Variants in ANK3 observed in about 807,000 individuals in gnomAD.
ANK3 encodes ankyrin 3, also known as ankyrin-3.
In ANK3, 57 loss-of-function variants were observed where a neutral mutation model predicts 370.9. The observed-to-expected ratio is 0.15, with a 90% CI of 0.12 to 0.19. The LOEUF is 0.19. ANK3 is among the 10% of genes least tolerant of loss of function. The pLI is 1.00. For synonymous variants in ANK3, 1,929 were observed against 1,946.3 expected (o/e 0.99, Z 0.23); for missense variants, 4,439 against 5,302.1 (o/e 0.84, Z 5.06).
At chr10:60,396,621 T>A (rs1353483363) in intron 2 of ANK3, among the ~76,000 whole-genome samples, 1 of 152,166 alleles carries the variant, frequency 6.6e-6, no homozygotes, top group Non-Finnish European at 1.5e-5. Context: ...CTTGTGGAAA[T>A]AAGTCTTGTT....
chr10:60,552,130 G>T (rs1014116013), intron 2 of ANK3, among the ~76,000 whole-genome samples: 1 of 152,106 alleles, frequency 6.6e-6, no homozygotes, highest in African/African-American at 2.4e-5. Flanking sequence ...ACAATACCAA[G>T]GATAAGACTT....
intron 2 of ANK3, among the ~76,000 whole-genome samples, chr10:60,581,647 C>A (rs1230099672): frequency 6.6e-6 from 1 of 151,386 alleles, no homozygotes; most frequent in Non-Finnish European, 1.5e-5. Context: ...ATCATCTTGG[C>A]CATGCTGGTC....
intron 2 of ANK3, among the ~76,000 whole-genome samples, chr10:60,537,463 G>A (rs775133207): frequency 2.0e-4 from 31 of 151,856 alleles, no homozygotes; most frequent in African/African-American, 4.8e-4. Context: ...CACATCATAC[G>A]CACAGAAAAC....
At chr10:60,660,979 T>A (rs926146394) in intron 1 of ANK3, among the ~76,000 whole-genome samples, 2 of 151,606 alleles carry the variant, frequency 1.3e-5, no homozygotes. Context: ...ACCAATCAAC[T>A]TGGAAACTAT....
chr10:60,220,169 A>T (rs921734566), intron 8 of ANK3, among the ~76,000 whole-genome samples: 12 of 152,210 alleles, frequency 7.9e-5, no homozygotes, highest in African/African-American at 2.7e-4. Flanking sequence ...TACACAAAAA[A>T]CATTTCATAC....
intron 1 of ANK3, chr10:60,300,342 C>T (rs1298480258): frequency 1.6e-6 from 2 of 1,289,320 alleles, no homozygotes; most frequent in Non-Finnish European, 2.0e-6. Context: ...CTCTCTCCCT[C>T]TTCCACTGCC....
intron 1 of ANK3, among the ~76,000 whole-genome samples, chr10:60,655,000 T>C (rs1397367261): frequency 6.6e-6 from 1 of 152,142 alleles, no homozygotes; most frequent in Middle Eastern, 3.2e-3. Context: ...AACAGCATAG[T>C]GCAACACCTT....
intron 1 of ANK3, among the ~76,000 whole-genome samples, chr10:60,624,722 TAAA>T (rs397947661): frequency 6.1e-4 from 78 of 126,964 alleles, no homozygotes; most frequent in African/African-American, 2.1e-3. Flanking sequence ...ATAGTGGCTT[TAAA>T]AAAAAAAAAA....
chr10:60,145,635 A>G lies in ANK3; in HGVS notation c.2615-6548T>C, dbSNP rs559654173. The stretch of plus-strand genomic sequence containing the variant: ...CATTTCAAAATAAAACACAGTTTAG[A>G]GTGGTGGAATAAATACTCCAAGATT... On this transcript the variant is annotated intron_variant, in intron 23 of 43. Coordinates refer to ENST00000280772, the MANE Select transcript of ANK3 (RefSeq NM_020987.5). Among the ~76,000 whole-genome samples, 689 of 152,328 alleles carry G rather than the reference A, an allele frequency of 4.5e-3. 4 individuals are homozygous for G. The highest frequency in any genetic ancestry group is 0.014 in the Middle Eastern group (4 of 294).
chr10:60,369,392 G>C (rs1184916683), intron 1 of ANK3, among the ~76,000 whole-genome samples: 1 of 152,080 alleles, frequency 6.6e-6, no homozygotes, highest in Non-Finnish European at 1.5e-5. Context: ...AACGTTCTGG[G>C]CTATTCATTC....
intron 37 of ANK3, 121 bp downstream of exon 37, chr10:60,068,511 TCACTC>T: frequency 9.9e-7 from 1 of 1,013,298 alleles, no homozygotes. Flanking sequence ...TACGGTTAAG[TCACTC>T]CACAGGCAAT....
intron 25 of ANK3, among the ~76,000 whole-genome samples, chr10:60,116,610 T>C (rs570787494): frequency 8.0e-5 from 12 of 149,258 alleles, no homozygotes; most frequent in Non-Finnish European, 1.6e-4. Context: ...AAAAGAAACA[T>C]TTAGGGAAAA....
intron 25 of ANK3, among the ~76,000 whole-genome samples, chr10:60,124,695 G>A (rs1230538938): frequency 6.6e-6 from 1 of 152,150 alleles, no homozygotes; most frequent in East Asian, 1.9e-4. Flanking sequence ...ACTCAGATCT[G>A]CTATGCTTTG....
chr10:60,106,009 C>T lies in ANK3; in HGVS notation c.3224G>A (p.Arg1075Lys). The change falls in exon 28 of 44, where the codon AGA becomes AAA. Residue 1075 changes from arginine (R) to lysine (K), a missense_variant. Transcript: ENST00000280772. ...TTCACTTCGAAGAACAATGAGTTCT[C>T]TCTCTTTTCCTCTCATGGACCCAAA... is the stretch of plus-strand genomic sequence containing the variant. Reference protein sequence around the residue: ...PHFGSMRGKERELIVLRSENG... With the variant: ...PHFGSMRGKEKELIVLRSENG... 6.2e-7 allele frequency: 1 copy of T among 1,612,540 alleles called. No individual in the cohort carries two copies. Among genetic ancestry groups the T allele is most frequent in the Non-Finnish European group, 8.5e-7 (1 of 1,179,294 alleles).
intron 2 of ANK3, among the ~76,000 whole-genome samples, chr10:60,510,622 T>A (rs1439591835): frequency 6.6e-6 from 1 of 152,094 alleles, no homozygotes; most frequent in African/African-American, 2.4e-5. Context: ...GAGACCAGCC[T>A]GGCCACAACA....
rs559390127 is a variant in ANK3, at chr10:60,671,771, G to T, written c.58-56547C>A. Among the ~76,000 whole-genome samples, 16 of 152,346 alleles carry T rather than the reference G, an allele frequency of 1.1e-4. 1 individual carries two copies. The South Asian group carries it at 3.3e-3, about 32-fold the overall frequency. On this transcript the variant is annotated intron_variant, in intron 1 of 43. Transcript: ENST00000373827. ...ACAGTGGGGAGAATCCAGCAGCCAT[G>T]TTGTGAGGATGCTCAAGCAGCCCAA...
At chr10:60,581,309 G>A (rs1005173262) in intron 2 of ANK3, among the ~76,000 whole-genome samples, 5 of 151,762 alleles carry the variant, frequency 3.3e-5, no homozygotes, top group East Asian at 1.9e-4. Flanking sequence ...TATAAAGGTC[G>A]TTCATAATGT....
intron 2 of ANK3, among the ~76,000 whole-genome samples, chr10:60,408,300 T>A (rs1296961130): frequency 6.6e-6 from 1 of 152,118 alleles, no homozygotes; most frequent in Non-Finnish European, 1.5e-5. Context: ...TGTGGCTTGG[T>A]GGGAGGTGAT....
chr10:60,278,071 C>G (rs1271052553), intron 4 of ANK3, among the ~76,000 whole-genome samples: 1 of 152,098 alleles, frequency 6.6e-6, no homozygotes, highest in Non-Finnish European at 1.5e-5. Context: ...TAAATGATAA[C>G]CTATTGGTGT....
Sources: allele counts gnomAD v4.1 joint callset (sites outside exome capture counted in the v4.1 genomes callset), GRCh38; gene constraint gnomAD v4.1.1; transcripts MANE v1.5; gene names NCBI Gene and HGNC (gene_info 2026-07-23, HGNC 2026-07-21).